Variants in WDFY3 observed in about 807,000 individuals in gnomAD.
WDFY3 encodes the protein WD repeat and FYVE domain-containing protein 3.
Under a neutral mutation model 409.6 loss-of-function variants are expected in WDFY3, and 66 were observed. That is an observed-to-expected ratio of 0.16 (90% CI 0.13 to 0.20). The LOEUF is 0.20. Ranked by LOEUF, WDFY3 falls within the 10% of genes least tolerant of loss-of-function variation. The pLI is 1.00. For synonymous variants in WDFY3, 1,521 were observed against 1,537.1 expected (o/e 0.99, Z 0.25); for missense variants, 3,031 against 4,298.1 (o/e 0.71, Z 8.24).
intron 53 of WDFY3, among the ~76,000 whole-genome samples, chr4:84,705,760 C>T (rs1441659724): frequency 3.3e-5 from 5 of 152,244 alleles, no homozygotes; most frequent in Middle Eastern, 3.4e-3. Context: ...ATATGTTTCA[C>T]AGAGGAAGCC....
intron 17 of WDFY3, among the ~76,000 whole-genome samples, chr4:84,799,642 T>C (rs190606830): frequency 2.8e-3 from 426 of 152,304 alleles, no homozygotes; most frequent in African/African-American, 9.7e-3. Context: ...GATACATTTT[T>C]TAAGAGCATA....
intron 48 of WDFY3, among the ~76,000 whole-genome samples, chr4:84,718,072 A>G (rs1734253100): frequency 6.6e-6 from 1 of 150,966 alleles, no homozygotes; most frequent in East Asian, 1.9e-4. Flanking sequence ...AAAAAAAAAA[A>G]AAAAAAAAAA....
intron 64 of WDFY3, 86 bp from the exon 65 acceptor site, chr4:84,679,328 G>C: frequency 7.6e-7 from 1 of 1,311,862 alleles, no homozygotes; most frequent in Non-Finnish European, 1.0e-6. Flanking sequence ...TTTTCTCCCA[G>C]TTATAAGCCT....
intron 32 of WDFY3, among the ~76,000 whole-genome samples, chr4:84,758,316 A>G (rs1416891556): frequency 6.6e-6 from 1 of 152,140 alleles, no homozygotes; most frequent in African/African-American, 2.4e-5. Flanking sequence ...GCATGATCGT[A>G]GCTCACTTAA....
Position 84,787,662 on chromosome 4 carries a change from C to A in WDFY3, c.3721G>T (p.Val1241Leu). The A allele has an allele frequency of 6.2e-7, 1 of 1,614,146 alleles. No homozygotes were observed. Among genetic ancestry groups the A allele is most frequent in the East Asian group, 2.2e-5 (1 of 44,868 alleles). ...PGGSGSANPP[V>L]VSTVYAYIGT... is the part of the protein sequence containing the mutation. Reference sequence around the variant, plus strand: ...ATGTAGGCATAGACCGTGCTCACCACTGGTGGATTTGCCGAACCTGAACCC... The same window carrying A: ...ATGTAGGCATAGACCGTGCTCACCAATGGTGGATTTGCCGAACCTGAACCC... Residue 1241 changes from valine to leucine, a missense_variant, in exon 23 of 68, where the codon GTG becomes TTG. Around this residue, in one of 16 missense-constraint regions of WDFY3, gnomAD observed 1,322 missense variants for 1,697.9 expected, o/e 0.78. Transcript: ENST00000295888.
At chr4:84,958,237 T>C (rs1202138738) in intron 1 of WDFY3, among the ~76,000 whole-genome samples, 1 of 152,178 alleles carries the variant, frequency 6.6e-6, no homozygotes, top group Non-Finnish European at 1.5e-5. Context: ...GCACCTACTG[T>C]GTATAGCTCA....
intron 3 of WDFY3, among the ~76,000 whole-genome samples, chr4:84,892,850 A>C (rs1023955651): frequency 8.5e-5 from 13 of 152,254 alleles, no homozygotes; most frequent in African/African-American, 2.9e-4. Context: ...CTTTGGAAAT[A>C]GAATGTTCCC....
intron 11 of WDFY3, 69 bp from the exon 12 acceptor site, chr4:84,820,255 GTAA>G: frequency 7.9e-7 from 1 of 1,263,668 alleles, no homozygotes. Context: ...CCGTTTTACT[GTAA>G]TAATTTCTTT....
chr4:84,773,236 A>C (rs879640512), intron 29 of WDFY3, among the ~76,000 whole-genome samples: 11 of 152,302 alleles, frequency 7.2e-5, no homozygotes, highest in Admixed American at 7.2e-4. Context: ...TTAGGTGATA[A>C]TATTTAGTTT....
chr4:84,940,931 C>CT (rs1772033057), intron 1 of WDFY3, among the ~76,000 whole-genome samples: 1 of 151,874 alleles, frequency 6.6e-6, no homozygotes, highest in African/African-American at 2.4e-5. Flanking sequence ...CATATAATCT[C>CT]AATAGATATT....
At chr4:84,842,259 C>T (rs552476541) in intron 5 of WDFY3, among the ~76,000 whole-genome samples, 1 of 152,056 alleles carries the variant, frequency 6.6e-6, no homozygotes, top group Admixed American at 6.5e-5. Context: ...GGCAGATCAC[C>T]TGAGGTCAGG....
At chr4:84,792,009 T>A (rs1367095446) in intron 21 of WDFY3, among the ~76,000 whole-genome samples, 2 of 152,096 alleles carry the variant, frequency 1.3e-5, no homozygotes, top group African/African-American at 4.8e-5. Flanking sequence ...TTAAAAAAAA[T>A]TAAGAAGAGC....
At chr4:84,695,560 ATAGAG>A (rs1730005197) in intron 58 of WDFY3, among the ~76,000 whole-genome samples, 1 of 150,050 alleles carries the variant, frequency 6.7e-6, no homozygotes, top group African/African-American at 2.5e-5. Context: ...AGAGGCACGC[ATAGAG>A]TAGTTTATTC....
chr4:84,919,342 A>G (rs1768942557), intron 2 of WDFY3, among the ~76,000 whole-genome samples: 1 of 152,136 alleles, frequency 6.6e-6, no homozygotes, highest in Non-Finnish European at 1.5e-5. Flanking sequence ...TTTTGCAACT[A>G]TAATAGTAAA....
intron 16 of WDFY3, among the ~76,000 whole-genome samples, chr4:84,802,659 G>A (rs1041390320): frequency 1.3e-5 from 2 of 152,186 alleles, no homozygotes; most frequent in African/African-American, 4.8e-5. Flanking sequence ...TTCCAGAACA[G>A]GTTAGGCAAA....
At chr4:84,762,713 C>T (rs1162492890) in intron 32 of WDFY3, among the ~76,000 whole-genome samples, 2 of 151,980 alleles carry the variant, frequency 1.3e-5, no homozygotes, top group Non-Finnish European at 2.9e-5. Flanking sequence ...TTTCTTTGCC[C>T]TCATTAATGA....
intron 32 of WDFY3, among the ~76,000 whole-genome samples, chr4:84,760,455 G>A (rs1246456534): frequency 4.0e-5 from 6 of 151,210 alleles, no homozygotes; most frequent in Non-Finnish European, 7.4e-5. Context: ...TGGTTGGTAA[G>A]CTATTGATTA....
intron 4 of WDFY3, among the ~76,000 whole-genome samples, chr4:84,856,003 AT>A (rs1323897875): frequency 6.6e-5 from 10 of 152,108 alleles, no homozygotes; most frequent in African/African-American, 2.2e-4. Flanking sequence ...AAACATGACT[AT>A]TTCAGGGCTG....
chr4:84,748,367 T>C (rs1019722932), intron 36 of WDFY3, among the ~76,000 whole-genome samples: 18 of 152,316 alleles, frequency 1.2e-4, no homozygotes, highest in East Asian at 3.9e-4. Flanking sequence ...GTGAAGAGAA[T>C]TGAACTTGGT....
Sources: allele counts gnomAD v4.1 joint callset (sites outside exome capture counted in the v4.1 genomes callset), GRCh38; gene constraint gnomAD v4.1.1; regional missense constraint gnomAD v4.1.1; transcripts MANE v1.5; gene names NCBI Gene and HGNC (gene_info 2026-07-23, HGNC 2026-07-21).